The following IL17RD variants were observed in gnomAD, a reference collection of about 807,000 sequenced individuals.
IL17RD encodes the protein interleukin-17 receptor D.
IL17RD carries 52 observed loss-of-function variants against 80.5 expected under a neutral mutation model. The observed-to-expected ratio is 0.65, with a 90% confidence interval of 0.52 to 0.81. The LOEUF (loss-of-function observed/expected upper bound fraction) is 0.81, where lower values mean the gene tolerates loss of function less well. IL17RD is among the 40% of genes least tolerant of loss of function. IL17RD has a pLI of 0.00. For missense variants in IL17RD, 1,024 were observed against 955.1 expected, an observed-to-expected ratio of 1.07 and a Z score of -0.95; for synonymous variants, 416 against 391.8, an observed-to-expected ratio of 1.06 and a Z score of -0.73.
Position 57,096,342 on chromosome 3 carries a change from A to G in IL17RD, c.*51T>C, listed in dbSNP as rs1706670542. On this transcript the variant is annotated 3_prime_UTR_variant, in exon 13 of 13. Coordinates refer to ENST00000296318, the MANE Select transcript of IL17RD (RefSeq NM_017563.5). ...TGCAACCAGGGAGATGAGCTGGGGA[A>G]TCAGAGGGAGGCAGCAGCTAAAGTG... 4.1e-6 allele frequency: 5 copies of G among 1,220,324 alleles called. No homozygotes were observed. In the South Asian group the frequency reaches 6.0e-5, roughly 15 times the overall value. The allele number at this position is 1,220,324 out of a possible 1,614,324, so 75.6% of individuals were successfully genotyped here.
At chr3:57,153,672 G>A (rs562418421) in intron 1 of IL17RD, among the ~76,000 whole-genome samples, 2 of 152,264 alleles carry the variant, frequency 1.3e-5, no homozygotes, top group East Asian at 3.9e-4. Context: ...TCATTTTACT[G>A]TTATTTCAAT....
At chr3:57,133,157 T>C (rs1707648138) in intron 1 of IL17RD, among the ~76,000 whole-genome samples, 1 of 152,248 alleles carries the variant, frequency 6.6e-6, no homozygotes, top group African/African-American at 2.4e-5. Flanking sequence ...TTTATTTTGA[T>C]GAATGTTACA....
In IL17RD at chr3:57,102,580, G is replaced by T. The variant is rs150457965; in HGVS notation, c.878C>A (p.Pro293Gln). The T allele has an allele frequency of 6.5e-6, 10 of 1,539,544 alleles. No individual in the cohort carries two copies. Among genetic ancestry groups the T allele is most frequent in the Non-Finnish European group, 8.9e-6 (10 of 1,123,800 alleles). Residue 293 changes from proline to glutamine, a missense_variant, in exon 10 of 13, where the codon CCG (proline) becomes CAG (glutamine). Coordinates refer to ENST00000296318, the MANE Select transcript of IL17RD (RefSeq NM_017563.5). ...CACGGCTCTGATGGGCCCGGCCCAC[G>T]GGGAGTGCACTGGGAAATTTCAAAG... is the stretch of plus-strand genomic sequence containing the variant. ...MHYALKPVHSPWAGPIRAVAI... is the reference protein window; with the variant it reads ...MHYALKPVHSQWAGPIRAVAI...
rs367889701 is a variant in IL17RD at position 57,146,967 on chromosome 3, G to A, written c.126+18194C>T. On this transcript the variant is annotated intron_variant, in intron 1 of 12. Coordinates refer to ENST00000296318, the MANE Select transcript of IL17RD (RefSeq NM_017563.5). Reference sequence around the variant, plus strand: ...TTCCCGAGCAGCTGGGATTACAGGTGCCCAACAACCATGCCCGGCTAATTT... The same window carrying A: ...TTCCCGAGCAGCTGGGATTACAGGTACCCAACAACCATGCCCGGCTAATTT... Among the ~76,000 whole-genome samples, 6 of 148,974 alleles carry A rather than the reference G, an allele frequency of 4.0e-5. No individual in the cohort carries two copies. In the East Asian group the frequency reaches 1.0e-3, roughly 25 times the overall value.
intron 1 of IL17RD, among the ~76,000 whole-genome samples, chr3:57,122,534 T>C (rs2107501249): frequency 6.6e-6 from 1 of 152,334 alleles, no homozygotes; most frequent in Non-Finnish European, 1.5e-5. Flanking sequence ...TATTGTGAAC[T>C]GTGCATACGA....
chr3:57,127,336 A>T (rs1320274599), intron 1 of IL17RD, among the ~76,000 whole-genome samples: 7 of 89,464 alleles, frequency 7.8e-5, no homozygotes, highest in South Asian at 6.1e-4. Flanking sequence ...AAATATATAT[A>T]AAAATATATA....
At chr3:57,163,035 C>T (rs941633065) in intron 1 of IL17RD, among the ~76,000 whole-genome samples, 2 of 152,036 alleles carry the variant, frequency 1.3e-5, no homozygotes, top group Admixed American at 6.6e-5. Flanking sequence ...GGCATCCATC[C>T]GGAGTTAGGA....
chr3:57,109,392 G>T (rs942325686), intron 5 of IL17RD, 145 bp downstream of exon 5: 46 of 726,422 alleles, frequency 6.3e-5, no homozygotes, highest in Non-Finnish European at 9.8e-5. Flanking sequence ...TGATCTGCCT[G>T]CCTCGGCCTC....
intron 1 of IL17RD, among the ~76,000 whole-genome samples, chr3:57,157,834 T>C (rs899214202): frequency 2.1e-4 from 32 of 152,152 alleles, no homozygotes; most frequent in Non-Finnish European, 3.8e-4. Context: ...CTTTATCCCA[T>C]TAACCCTCCC....
chr3:57,138,939 C>T lies in IL17RD; in HGVS notation c.127-18626G>A, dbSNP rs1335192431. Among the ~76,000 whole-genome samples, 8 of 40,494 alleles carry T rather than the reference C, an allele frequency of 2.0e-4. No homozygotes were observed. In the Admixed American group the frequency reaches 2.1e-3, roughly 11 times the overall value. The allele number at this position is 40,494 out of a possible 152,430, so 26.6% of individuals were successfully genotyped here. A position where few individuals can be genotyped will look rare whatever the true frequency, so the allele number is the denominator to read the frequency against. On this transcript the variant is annotated intron_variant, in intron 1 of 12. Coordinates refer to ENST00000296318, the MANE Select transcript of IL17RD (RefSeq NM_017563.5). ...GGGCAACAGGAGCAAAACTCCATCT[C>T]AAAAAAAAAAAAAAAAAAAAAAAGA...
intron 1 of IL17RD, among the ~76,000 whole-genome samples, chr3:57,127,303 TAA>T (rs1196603095): frequency 0.026 from 2,273 of 86,976 alleles, 217 homozygotes; most frequent in East Asian, 0.078. Flanking sequence ...TAAATATATA[TAA>T]AAATATATAA....
In IL17RD at chr3:57,154,023, A is replaced by T. The variant is rs190707859; in HGVS notation, c.126+11138T>A. 3.9e-3 allele frequency among the ~76,000 whole-genome samples: 585 copies of T among 151,896 alleles called. 2 individuals carry two copies. Among genetic ancestry groups the T allele is most frequent in the Non-Finnish European group, 6.3e-3 (429 of 67,964 alleles). ...CACTTTGCGAGGCCAAGGCAGGAGG[A>T]CTGCTTGAGGCCAGGAGTTCGAGAC... On this transcript the variant is annotated intron_variant, in intron 1 of 12. Transcript: ENST00000296318.
upstream of IL17RD, among the ~76,000 whole-genome samples, chr3:57,169,754 AGAGGGCT>A (rs1000313543): frequency 9.2e-5 from 14 of 152,194 alleles, no homozygotes; most frequent in African/African-American, 3.4e-4. Flanking sequence ...CCAGTCTCCC[AGAGGGCT>A]GAGGGTGCAA....
chr3:57,161,947 A>G (rs181408423), intron 1 of IL17RD, among the ~76,000 whole-genome samples: 7 of 152,248 alleles, frequency 4.6e-5, no homozygotes, highest in Admixed American at 4.6e-4. Flanking sequence ...AATTTTTTTT[A>G]AGTAGTTGAG....
At chr3:57,108,677 G>A (rs950723373) in intron 5 of IL17RD, among the ~76,000 whole-genome samples, 5 of 151,612 alleles carry the variant, frequency 3.3e-5, no homozygotes, top group Non-Finnish European at 5.9e-5. Context: ...CATGACGCCC[G>A]GCTAATTTTT....
At chr3:57,117,749 A>G (rs1282376486) in intron 2 of IL17RD, among the ~76,000 whole-genome samples, 1 of 152,228 alleles carries the variant, frequency 6.6e-6, no homozygotes, top group Non-Finnish European at 1.5e-5. Context: ...AAAATATGGA[A>G]TAAGTTTTTC....
chr3:57,096,346 G>A lies in IL17RD; in HGVS notation c.*47C>T. 7.9e-7 allele frequency: 1 copy of A among 1,268,226 alleles called. No homozygotes were observed. The highest frequency in any genetic ancestry group is 1.2e-6 in the Non-Finnish European group (1 of 863,774). The allele number at this position is 1,268,226 out of a possible 1,614,324, so 78.6% of individuals were successfully genotyped here. A position where few individuals can be genotyped will look rare whatever the true frequency, so the allele number is the denominator to read the frequency against. On this transcript the variant is annotated 3_prime_UTR_variant, in exon 13 of 13. Transcript: ENST00000296318. The stretch of plus-strand genomic sequence containing the variant: ...ACCAGGGAGATGAGCTGGGGAATCA[G>A]AGGGAGGCAGCAGCTAAAGTGGCAA...
chr3:57,094,718 T>A lies in IL17RD; in HGVS notation c.*1675A>T, dbSNP rs1389595289. ...TGCCTAGGATGAAATGGCGGGGCAGTCATGTGTGGGTAGGAGCTCTGCACT... is the reference window on the plus strand; with the variant it reads ...TGCCTAGGATGAAATGGCGGGGCAGACATGTGTGGGTAGGAGCTCTGCACT... On this transcript the variant is annotated 3_prime_UTR_variant, in exon 13 of 13. Coordinates refer to ENST00000296318, the MANE Select transcript of IL17RD (RefSeq NM_017563.5). 1 of 152,152 alleles carries A rather than the reference T, an allele frequency of 6.6e-6. No individual in the cohort carries two copies. Among genetic ancestry groups the A allele is most frequent in the East Asian group, 1.9e-4 (1 of 5,192 alleles). The allele number at this position is 152,152 out of a possible 1,614,324, so 9.4% of individuals were successfully genotyped here.
intron 1 of IL17RD, chr3:57,134,686 T>C: frequency 1.4e-6 from 1 of 718,302 alleles, no homozygotes; most frequent in Non-Finnish European, 2.6e-6. Flanking sequence ...GAGGAGATCA[T>C]CAAGACTTTG....
Sources: gnomAD v4.1 joint callset for allele counts (sites outside exome capture counted in the v4.1 genomes callset) on GRCh38, gnomAD v4.1.1 for gene constraint, MANE v1.5 for transcripts, NCBI Gene and HGNC (gene_info 2026-07-23, HGNC 2026-07-21) for gene names.